Variants in AGBL1 observed in about 807,000 individuals in gnomAD.
AGBL1 encodes AGBL carboxypeptidase 1.
A neutral mutation model predicts 118.9 loss-of-function variants in AGBL1; 130 were observed. The observed-to-expected ratio is 1.09, with a 90% CI of 0.95 to 1.26. The LOEUF (loss-of-function observed/expected upper bound fraction) is 1.26. Ranked by LOEUF, AGBL1 falls within the 50% of genes most tolerant of loss-of-function variation. The pLI is 0.00. For synonymous variants in AGBL1, 555 were observed against 478.9 expected, an observed-to-expected ratio of 1.16 and a Z score of -2.08; for missense variants, 1,584 against 1,298.1, an observed-to-expected ratio of 1.22 and a Z score of -3.38.
At chr15:86,305,137 C>G (rs976006332) in intron 17 of AGBL1, 1 of 152,156 alleles carries the variant, frequency 6.6e-6, no homozygotes, top group East Asian at 1.9e-4. Flanking sequence ...AACACATGTC[C>G]TGAGGGCTGG....
intron 18 of AGBL1, among the ~76,000 whole-genome samples, chr15:86,470,594 G>A (rs186679139): frequency 1.2e-4 from 18 of 152,254 alleles, no homozygotes; most frequent in Admixed American, 1.0e-3. Flanking sequence ...GTAATTTTGA[G>A]AGGGATGGCA....
intron 22 of AGBL1, among the ~76,000 whole-genome samples, chr15:86,759,774 C>G (rs1038771721): frequency 6.6e-6 from 1 of 152,086 alleles, no homozygotes; most frequent in African/African-American, 2.4e-5. Flanking sequence ...ACTCTACATT[C>G]TTCTCGATGA....
chr15:86,410,474 A>T (rs2081591989), intron 18 of AGBL1, among the ~76,000 whole-genome samples: 1 of 152,012 alleles, frequency 6.6e-6, no homozygotes, highest in Admixed American at 6.6e-5. Flanking sequence ...GGCTTTGGAC[A>T]ATTTACTTAA....
At chr15:86,317,003 G>A (rs1352438741) in intron 17 of AGBL1, 1 of 152,094 alleles carries the variant, frequency 6.6e-6, no homozygotes, top group Non-Finnish European at 1.5e-5. Context: ...TGAACAAACA[G>A]AAGACTTCAG....
intron 23 of AGBL1, chr15:86,939,117 A>G (rs573650417): frequency 1.3e-5 from 2 of 152,462 alleles, no homozygotes; most frequent in Admixed American, 6.5e-5. Context: ...ATTGAGTGTC[A>G]ACTTGATTGG....
At chr15:86,547,383 A>G (rs1038568183) in intron 20 of AGBL1, among the ~76,000 whole-genome samples, 4 of 152,124 alleles carry the variant, frequency 2.6e-5, no homozygotes, top group African/African-American at 9.7e-5. Context: ...AGGGAAGGTA[A>G]TAATATTAAT....
intron 18 of AGBL1, among the ~76,000 whole-genome samples, chr15:86,507,476 T>A (rs1367622063): frequency 6.6e-6 from 1 of 152,066 alleles, no homozygotes; most frequent in Non-Finnish European, 1.5e-5. Context: ...ATAGGTAAGG[T>A]CCGTGTTATC....
At chr15:86,525,669 G>C (rs1044675086) in intron 19 of AGBL1, among the ~76,000 whole-genome samples, 1 of 152,100 alleles carries the variant, frequency 6.6e-6, no homozygotes, top group Non-Finnish European at 1.5e-5. Flanking sequence ...ACATGTAGAA[G>C]AATGAACCTG....
In AGBL1 at chr15:87,023,032, G is replaced by A. The variant is rs577449300; in HGVS notation, c.3324-5793G>A. On this transcript the variant is annotated intron_variant, in intron 24 of 24. Coordinates refer to the AGBL1 transcript ENST00000441037. ...ACCACTTTAAAGCATAAATCTCACA[G>A]GACCTATAAAATAAAAATACCATTT... 5.8e-4 allele frequency among the ~76,000 whole-genome samples: 88 copies of A among 151,826 alleles called. 1 individual carries two copies. Among genetic ancestry groups the A allele is most frequent in the African/African-American group, 2.0e-3 (83 of 41,436 alleles).
Position 86,143,706 on chromosome 15 carries a change from C to G in AGBL1, c.123C>G (p.Asp41Glu). 6.2e-7 allele frequency: 1 copy of G among 1,613,570 alleles called. No homozygotes were observed. Among genetic ancestry groups the G allele is most frequent in the Non-Finnish European group, 8.5e-7 (1 of 1,179,634 alleles). ...VLGDLLSVGT[D>E]RRIHYMISKG... Reference sequence around the variant, plus strand: ...CCTCCGGTTTCCCCTCAGGCACAGACCGGAGAATTCACTACATGATCAGCA... The same window carrying G: ...CCTCCGGTTTCCCCTCAGGCACAGAGCGGAGAATTCACTACATGATCAGCA... Residue 41 changes from aspartate (D) to glutamate (E), a missense_variant, in exon 3 of 23, where the codon GAC (aspartate) becomes GAG (glutamate). By Grantham distance (45) the Asp-to-Glu change is conservative. Coordinates refer to ENST00000614907, the MANE Select transcript of AGBL1 (RefSeq NM_001386094.1).
At chr15:86,953,742 A>T (rs2080902944) in intron 23 of AGBL1, among the ~76,000 whole-genome samples, 1 of 152,106 alleles carries the variant, frequency 6.6e-6, no homozygotes, top group Non-Finnish European at 1.5e-5. Context: ...TGGTGTTTAG[A>T]AATGCTACTG....
chr15:86,589,955 G>T (rs115557063), intron 21 of AGBL1, among the ~76,000 whole-genome samples: 1 of 152,084 alleles, frequency 6.6e-6, no homozygotes, highest in Admixed American at 6.6e-5. Flanking sequence ...TCTTACATAT[G>T]TAGGGGCAAA....
intron 22 of AGBL1, among the ~76,000 whole-genome samples, chr15:86,763,825 G>T (rs979974532): frequency 6.6e-6 from 1 of 151,970 alleles, no homozygotes; most frequent in Non-Finnish European, 1.5e-5. Flanking sequence ...AACAGTGCAT[G>T]ATTTTCCACC....
intron 4 of AGBL1, among the ~76,000 whole-genome samples, chr15:86,158,304 C>T (rs995184969): frequency 6.6e-6 from 1 of 152,166 alleles, no homozygotes; most frequent in African/African-American, 2.4e-5. Flanking sequence ...CAGTATCATC[C>T]ACCCTTGTTT....
rs75883094 is a variant in AGBL1 at position 86,508,407 on chromosome 15, G to C, written c.2556-14403G>C. Among the ~76,000 whole-genome samples, 392 of 152,198 alleles carry C rather than the reference G, an allele frequency of 2.6e-3. 1 individual carries two copies. The highest frequency in any genetic ancestry group is 9.0e-3 in the African/African-American group (374 of 41,540). ...GACAAAAAAGAAGGGATTAGAAAAA[G>C]ATTGTGCTTTAGGTAAAGAAATTTC... On this transcript the variant is annotated intron_variant, in intron 18 of 22. Transcript: ENST00000614907.
intron 24 of AGBL1, among the ~76,000 whole-genome samples, chr15:87,009,632 A>G (rs1351812754): frequency 1.3e-5 from 2 of 149,596 alleles, no homozygotes; most frequent in Non-Finnish European, 3.0e-5. Flanking sequence ...TGGAAAAGCC[A>G]CAGACACTCA....
chr15:86,158,091 T>C (rs1210177620), intron 4 of AGBL1, among the ~76,000 whole-genome samples: 1 of 152,210 alleles, frequency 6.6e-6, no homozygotes, highest in Non-Finnish European at 1.5e-5. Context: ...TGGGCAGGAC[T>C]AGGATGCCAA....
At chr15:86,627,028 TTTGCTCTTG>T (rs1361404272) in intron 21 of AGBL1, among the ~76,000 whole-genome samples, 1 of 150,074 alleles carries the variant, frequency 6.7e-6, no homozygotes, top group East Asian at 1.9e-4. Flanking sequence ...TAGATGGAGT[TTTGCTCTTG>T]TTGCCCAGGC....
chr15:86,710,549 T>C (rs2086538551), intron 22 of AGBL1, among the ~76,000 whole-genome samples: 1 of 152,186 alleles, frequency 6.6e-6, no homozygotes, highest in Admixed American at 6.6e-5. Flanking sequence ...AAATAAATCA[T>C]GTCAAACACA....
Sources: allele counts gnomAD v4.1 joint callset (sites outside exome capture counted in the v4.1 genomes callset), GRCh38; gene constraint gnomAD v4.1.1; transcripts MANE v1.5; gene names NCBI Gene and HGNC (gene_info 2026-07-23, HGNC 2026-07-21).